PIP5K1A: variants seen among roughly 807,000 people sequenced by gnomAD.
The protein encoded by PIP5K1A is phosphatidylinositol-4-phosphate 5-kinase type 1 alpha, also known as phosphatidylinositol 4-phosphate 5-kinase type-1 alpha.
PIP5K1A carries 46 observed loss-of-function variants against 72.9 expected under a neutral mutation model. That is an observed-to-expected ratio of 0.63 (90% CI 0.50 to 0.81). PIP5K1A has a LOEUF of 0.81. PIP5K1A is among the 30% of genes least tolerant of loss of function. The probability of loss-of-function intolerance (pLI) is 0.00; values close to 1 mark genes in which losing one functional copy is unlikely to be tolerated. For missense variants in PIP5K1A, 458 were observed against 706.1 expected, an observed-to-expected ratio of 0.65 and a Z score of 3.98; for synonymous variants, 228 against 255.1, an observed-to-expected ratio of 0.89 and a Z score of 1.01.
At position 151,232,273 on chromosome 1, in the gene PIP5K1A, C is replaced by T; in HGVS notation, c.394C>T (p.His132Tyr). 6.2e-7 allele frequency: 1 copy of T among 1,613,870 alleles called. No individual in the cohort carries two copies. Among genetic ancestry groups the T allele is most frequent in the Non-Finnish European group, 8.5e-7 (1 of 1,179,742 alleles). The change falls in exon 6 of 16, where the codon CAT (histidine) becomes TAT (tyrosine). Residue 132 changes from histidine (H) to tyrosine (Y), a missense_variant. Transcript: ENST00000368888. Reference protein sequence around the residue: ...PSEGSNLTPAHHYNDFRFKTY... With the variant: ...PSEGSNLTPAYHYNDFRFKTY... ...TGAAGGGAGCAACCTGACCCCTGCT[C>T]ATCACTACAATGACTTTCGTTTCAA...
At chr1:151,216,518 C>T (rs1347063200) in intron 1 of PIP5K1A, among the ~76,000 whole-genome samples, 2 of 152,090 alleles carry the variant, frequency 1.3e-5, no homozygotes, top group East Asian at 1.9e-4. Context: ...TCTCAGAATT[C>T]TTCAGTATAT....
intron 4 of PIP5K1A, among the ~76,000 whole-genome samples, chr1:151,231,427 C>T (rs587628550): frequency 6.6e-6 from 1 of 152,232 alleles, no homozygotes; most frequent in East Asian, 1.9e-4. Context: ...CTAGCTGAGG[C>T]TGGCTCAGAG....
chr1:151,224,289 A>T lies in PIP5K1A; in HGVS notation c.120+10A>T, dbSNP rs760874720. 6.2e-7 allele frequency: 1 copy of T among 1,612,504 alleles called. No individual in the cohort carries two copies. On this transcript the variant is annotated intron_variant, in intron 2 of 15. Coordinates refer to ENST00000368888, the MANE Select transcript of PIP5K1A (RefSeq NM_001135638.2). ...ACCCATGGCATCTGAGGTGAGTTTCATACTGATACAATGGTTACTAAAACC... is the reference window on the plus strand; with the variant it reads ...ACCCATGGCATCTGAGGTGAGTTTCTTACTGATACAATGGTTACTAAAACC...
chr1:151,197,817 G>A (rs1684693740), upstream of PIP5K1A: 1 of 307,734 alleles, frequency 3.2e-6, no homozygotes, highest in Non-Finnish European at 6.4e-6. Context: ...TTCCCACCAG[G>A]GTTCATAGCC....
chr1:151,197,513 T>C (rs1437052722), upstream of PIP5K1A, among the ~76,000 whole-genome samples: 1 of 147,298 alleles, frequency 6.8e-6, no homozygotes, highest in African/African-American at 2.5e-5. Flanking sequence ...TCTCCTGGCC[T>C]CGTGATCCAC....
At chr1:151,198,363 A>C (rs921651136), upstream of PIP5K1A, among the ~76,000 whole-genome samples, 2 of 152,066 alleles carry the variant, frequency 1.3e-5, no homozygotes, top group Non-Finnish European at 2.9e-5. Context: ...TGAACCTAAG[A>C]GGACCTGCCG....
intron 3 of PIP5K1A, among the ~76,000 whole-genome samples, chr1:151,225,444 C>CTGCT (rs1688970370): frequency 6.7e-6 from 1 of 150,120 alleles, no homozygotes; most frequent in Admixed American, 6.7e-5. Flanking sequence ...ACTTTCTAGA[C>CTGCT]TGCTATACTG....
chr1:151,204,089 G>T (rs1685591152), intron 1 of PIP5K1A, among the ~76,000 whole-genome samples: 1 of 152,090 alleles, frequency 6.6e-6, no homozygotes, highest in African/African-American at 2.4e-5. Context: ...ATCAGTCTGT[G>T]ATTCTGATTG....
rs587649598 is a variant in PIP5K1A at position 151,224,298 on chromosome 1, C to G, written c.120+19C>G. 6 of 1,610,938 alleles carry G rather than the reference C, an allele frequency of 3.7e-6. No homozygotes were observed. Among genetic ancestry groups the G allele is most frequent in the Admixed American group, 1.7e-5 (1 of 59,960 alleles). ...ATCTGAGGTGAGTTTCATACTGATA[C>G]AATGGTTACTAAAACCTTAATTCTG... On this transcript the variant is annotated intron_variant, in intron 2 of 15. Transcript: ENST00000368888.
chr1:151,242,992 C>T (rs1691982543), intron 14 of PIP5K1A, among the ~76,000 whole-genome samples: 1 of 152,198 alleles, frequency 6.6e-6, no homozygotes, highest in Non-Finnish European at 1.5e-5. Flanking sequence ...GGCTATCTGA[C>T]AAGTGAACAA....
At chr1:151,232,944 C>CA (rs1690308424) in intron 7 of PIP5K1A, among the ~76,000 whole-genome samples, 1 of 151,760 alleles carries the variant, frequency 6.6e-6, no homozygotes, top group African/African-American at 2.4e-5. Context: ...ACTAAAAATA[C>CA]AAAAAATTAG....
intron 1 of PIP5K1A, among the ~76,000 whole-genome samples, chr1:151,220,004 C>CTATT (rs1004981576): frequency 6.6e-6 from 1 of 151,410 alleles, no homozygotes; most frequent in African/African-American, 2.4e-5. Flanking sequence ...GTCTCTGTTT[C>CTATT]TATTTATTTA....
At position 151,231,864 on chromosome 1, in the gene PIP5K1A, C is replaced by A. The variant is rs1200628908; in HGVS notation, c.368+63C>A. On this transcript the variant is annotated intron_variant, in intron 5 of 15. Transcript: ENST00000368888. ...GTGGCCTTTTCAAATCAGCCCAGGG[C>A]AGTTTTAGGGGTTCAGGTCGGACAA... is the stretch of plus-strand genomic sequence containing the variant. The A allele has an allele frequency of 3.3e-5, 51 of 1,525,288 alleles. No homozygotes were observed. The Admixed American group carries it at 7.2e-4, about 22-fold the overall frequency. 94.5% of individuals were successfully genotyped at this position (1,525,288 alleles called of 1,614,324 possible). A position where few individuals can be genotyped will look rare whatever the true frequency, so the allele number is the denominator to read the frequency against.
At chr1:151,216,900 G>GTTTTTTTTT (rs78155966) in intron 1 of PIP5K1A, among the ~76,000 whole-genome samples, 15 of 136,774 alleles carry the variant, frequency 1.1e-4, no homozygotes, top group African/African-American at 3.8e-4. Context: ...CTTAGTAAAT[G>GTTTTTTTTT]TTTTTTTTTT....
upstream of PIP5K1A, chr1:151,198,170 G>A: frequency 4.4e-6 from 2 of 456,300 alleles, no homozygotes; most frequent in Middle Eastern, 3.3e-4. Context: ...AGTAAAACAG[G>A]AAAAAGACTA....
rs587733049 is a variant in PIP5K1A, at chr1:151,232,121, G to C, written c.369-127G>C. On this transcript the variant is annotated intron_variant, in intron 5 of 15. Transcript: ENST00000368888. ...CACTAACTCATCTAAGAAGGGCTGT[G>C]ATTATCTTAGGAGGAATGTATTCCC... 5.7e-3 allele frequency: 4,110 copies of C among 718,292 alleles called. 25 individuals carry two copies. Among genetic ancestry groups the C allele is most frequent in the Middle Eastern group, 8.3e-3 (25 of 3,014 alleles). 44.5% of individuals were successfully genotyped at this position (718,292 alleles called of 1,614,324 possible). A position where few individuals can be genotyped will look rare whatever the true frequency, so the allele number is the denominator to read the frequency against.
chr1:151,213,147 C>T (rs1253568679), intron 1 of PIP5K1A, among the ~76,000 whole-genome samples: 1 of 151,962 alleles, frequency 6.6e-6, no homozygotes, highest in Admixed American at 6.6e-5. Flanking sequence ...CCTTGGCCTC[C>T]CAAAGTGCTG....
intron 1 of PIP5K1A, among the ~76,000 whole-genome samples, chr1:151,222,520 C>T (rs1281713997): frequency 2.6e-5 from 4 of 152,096 alleles, no homozygotes; most frequent in Non-Finnish European, 5.9e-5. Flanking sequence ...AAATTACTTA[C>T]CTGCTTTTTT....
upstream of PIP5K1A, among the ~76,000 whole-genome samples, chr1:151,198,383 A>G (rs1422894108): frequency 1.3e-5 from 2 of 152,044 alleles, no homozygotes; most frequent in Non-Finnish European, 2.9e-5. Flanking sequence ...GAGCCACCGT[A>G]GGGACTGTCG....
Sources: allele counts gnomAD v4.1 joint callset (sites outside exome capture counted in the v4.1 genomes callset), GRCh38; gene constraint gnomAD v4.1.1; transcripts MANE v1.5; gene names NCBI Gene and HGNC (gene_info 2026-07-23, HGNC 2026-07-21).